Variants in PLXDC2 observed in about 807,000 individuals in gnomAD.
The protein encoded by PLXDC2 is plexin domain-containing protein 2.
In PLXDC2, 40 loss-of-function variants were observed where a neutral mutation model predicts 68.9. That is an observed-to-expected ratio of 0.58 (90% CI 0.45 to 0.76). PLXDC2 has a LOEUF of 0.76. Ranked by LOEUF, PLXDC2 falls within the 30% of genes least tolerant of loss-of-function variation. PLXDC2 has a pLI of 0.00. For missense variants in PLXDC2, 644 were observed against 661.9 expected (o/e 0.97, Z 0.30); for synonymous variants, 243 against 234.2 (o/e 1.04, Z -0.34).
chr10:20,080,761 T>G (rs934751175), intron 4 of PLXDC2, among the ~76,000 whole-genome samples: 2 of 152,112 alleles, frequency 1.3e-5, no homozygotes, highest in Admixed American at 1.3e-4. Context: ...TATCCTTCAA[T>G]CCAATCAAGT....
chr10:20,214,889 A>T (rs1336385034), intron 10 of PLXDC2, among the ~76,000 whole-genome samples: 1 of 152,002 alleles, frequency 6.6e-6, no homozygotes, highest in African/African-American at 2.4e-5. Context: ...TCCATTCTAT[A>T]CTCCTTGAGT....
At chr10:20,247,713 A>T (rs1339423147) in intron 13 of PLXDC2, among the ~76,000 whole-genome samples, 1 of 152,224 alleles carries the variant, frequency 6.6e-6, no homozygotes, top group African/African-American at 2.4e-5. Flanking sequence ...CTGCCCTGCA[A>T]GACTTGTAAG....
At chr10:20,125,897 T>G (rs908593993) in intron 4 of PLXDC2, among the ~76,000 whole-genome samples, 25 of 150,426 alleles carry the variant, frequency 1.7e-4, no homozygotes, top group Non-Finnish European at 3.4e-4. Context: ...TGTGAGCCTT[T>G]CCACTACATT....
chr10:19,856,379 GACACACAC>G lies in PLXDC2; in HGVS notation c.112+39215_112+39222del, dbSNP rs34129216. Among the ~76,000 whole-genome samples the G allele has an allele frequency of 1.8e-3, 266 of 144,226 alleles. 1 individual carries two copies. The highest frequency in any genetic ancestry group is 4.4e-3 in the African/African-American group (173 of 39,306). 94.6% of individuals were successfully genotyped at this position (144,226 alleles called of 152,430 possible). On this transcript the variant is annotated intron_variant, in intron 1 of 13. Coordinates refer to ENST00000377252, the MANE Select transcript of PLXDC2 (RefSeq NM_032812.9). Reference sequence around the variant, plus strand: ...ATACACACACAAACACACACACACAGACACACACACACACACACACACACACACACACA... The same window carrying G: ...ATACACACACAAACACACACACACAGACACACACACACACACACACACACA...
chr10:19,932,989 T>G (rs1833665912), intron 1 of PLXDC2, among the ~76,000 whole-genome samples: 1 of 152,150 alleles, frequency 6.6e-6, no homozygotes, highest in African/African-American at 2.4e-5. Context: ...CACATAAAAT[T>G]TCCCTTTGCC....
chr10:20,246,009 T>C (rs1835589873), intron 13 of PLXDC2, among the ~76,000 whole-genome samples: 2 of 152,208 alleles, frequency 1.3e-5, no homozygotes, highest in South Asian at 4.1e-4. Flanking sequence ...AAATAAAAAA[T>C]GGTATGTGCT....
intron 4 of PLXDC2, among the ~76,000 whole-genome samples, chr10:20,137,915 G>A (rs1300809281): frequency 2.0e-5 from 3 of 152,080 alleles, no homozygotes; most frequent in Non-Finnish European, 4.4e-5. Flanking sequence ...GGTGTATGTG[G>A]GAATGTGCCC....
intron 12 of PLXDC2, among the ~76,000 whole-genome samples, chr10:20,227,134 G>A (rs1371934846): frequency 6.6e-6 from 1 of 151,978 alleles, no homozygotes; most frequent in Non-Finnish European, 1.5e-5. Context: ...GATTTGACTT[G>A]GTTTGATTTG....
chr10:19,849,183 G>T (rs760589852), intron 1 of PLXDC2, among the ~76,000 whole-genome samples: 8 of 152,052 alleles, frequency 5.3e-5, no homozygotes, highest in Non-Finnish European at 8.8e-5. Context: ...CAAGTTTATT[G>T]TAGATAATGG....
At chr10:20,121,533 C>T (rs1004627055) in intron 4 of PLXDC2, among the ~76,000 whole-genome samples, 2 of 152,098 alleles carry the variant, frequency 1.3e-5, no homozygotes, top group African/African-American at 2.4e-5. Context: ...TGAAGCCTTG[C>T]GGCAGTACAG....
rs965706198 is a variant in PLXDC2, at chr10:19,947,411, C to T, written c.113-54364C>T. Among the ~76,000 whole-genome samples the T allele has an allele frequency of 1.8e-4, 28 of 152,314 alleles. No homozygotes were observed. In the South Asian group the frequency reaches 2.5e-3, roughly 14 times the overall value. On this transcript the variant is annotated intron_variant, in intron 1 of 13. Coordinates refer to ENST00000377252, the MANE Select transcript of PLXDC2 (RefSeq NM_032812.9). ...GGCTATCAGGTTTGAATCCTGACCC[C>T]GATGCTAGCTCTGTGTCCCTGGCAA...
At chr10:19,959,131 A>T (rs972845529) in intron 1 of PLXDC2, among the ~76,000 whole-genome samples, 2 of 152,224 alleles carry the variant, frequency 1.3e-5, no homozygotes, top group African/African-American at 4.8e-5. Context: ...AAATGAAGAC[A>T]TTAATCCTGA....
rs566960388 is a variant in PLXDC2 at position 19,873,799 on chromosome 10, T to C, written c.112+56608T>C. Among the ~76,000 whole-genome samples the C allele has an allele frequency of 3.3e-5, 5 of 152,316 alleles. No homozygotes were observed. In the South Asian group the frequency reaches 1.0e-3, roughly 32 times the overall value. On this transcript the variant is annotated intron_variant, in intron 1 of 13. Coordinates refer to ENST00000377252, the MANE Select transcript of PLXDC2 (RefSeq NM_032812.9). ...ACAAAGATCTATTTCCACTGCAAAGTAAGATTAGGGGTGTTTGGTGGCATG... is the reference window on the plus strand; with the variant it reads ...ACAAAGATCTATTTCCACTGCAAAGCAAGATTAGGGGTGTTTGGTGGCATG...
intron 2 of PLXDC2, among the ~76,000 whole-genome samples, chr10:20,015,299 G>A (rs1024906132): frequency 2.7e-5 from 4 of 150,756 alleles, no homozygotes; most frequent in Non-Finnish European, 5.9e-5. Flanking sequence ...ATACTAAAGT[G>A]TTTTTTTTTC....
At chr10:20,171,732 ATTCT>A (rs1326790335) in intron 7 of PLXDC2, among the ~76,000 whole-genome samples, 1 of 152,134 alleles carries the variant, frequency 6.6e-6, no homozygotes, top group East Asian at 1.9e-4. Flanking sequence ...TTGTGGTTAA[ATTCT>A]TTCTTTTATT....
intron 4 of PLXDC2, among the ~76,000 whole-genome samples, chr10:20,123,866 G>A (rs1437497388): frequency 1.3e-5 from 2 of 151,726 alleles, no homozygotes; most frequent in African/African-American, 2.4e-5. Context: ...ATAAGGGATT[G>A]GGGTGCAGAG....
chr10:19,847,397 C>T (rs980748953), intron 1 of PLXDC2, among the ~76,000 whole-genome samples: 6 of 152,150 alleles, frequency 3.9e-5, no homozygotes, highest in Admixed American at 2.0e-4. Flanking sequence ...CTGCAGAGCA[C>T]GTTTTAAGAA....
At chr10:20,044,465 A>G (rs1219552860) in intron 2 of PLXDC2, among the ~76,000 whole-genome samples, 2 of 151,564 alleles carry the variant, frequency 1.3e-5, no homozygotes, top group Non-Finnish European at 2.9e-5. Context: ...ATCTGCCATC[A>G]CGCCTGGCTA....
intron 2 of PLXDC2, among the ~76,000 whole-genome samples, chr10:20,010,345 A>G (rs1007242032): frequency 1.3e-5 from 2 of 152,202 alleles, no homozygotes; most frequent in African/African-American, 4.8e-5. Context: ...TAGCATATTG[A>G]TGAGGGCTTT....
Sources: allele counts gnomAD v4.1 joint callset (sites outside exome capture counted in the v4.1 genomes callset), GRCh38; gene constraint gnomAD v4.1.1; transcripts MANE v1.5; gene names NCBI Gene and HGNC (gene_info 2026-07-23, HGNC 2026-07-21).